PTPRD: variants seen among roughly 807,000 people sequenced by gnomAD.
PTPRD encodes the protein protein tyrosine phosphatase receptor type D.
A neutral mutation model predicts 214.5 loss-of-function variants in PTPRD; 34 were observed. The observed-to-expected ratio is 0.16, with a 90% confidence interval of 0.12 to 0.21. PTPRD has a LOEUF of 0.21. Ranked by LOEUF, PTPRD falls within the 10% of genes least tolerant of loss-of-function variation. The probability of loss-of-function intolerance (pLI) is 1.00; values close to 1 mark genes in which losing one functional copy is unlikely to be tolerated. For missense variants in PTPRD, 2,545 were observed against 2,398.7 expected (o/e 1.06, Z -1.27); for synonymous variants, 1,128 against 845.7 (o/e 1.33, Z -5.79).
chr9:9,000,325 ATC>A (rs769764661), intron 11 of PTPRD, among the ~76,000 whole-genome samples: 3 of 152,020 alleles, frequency 2.0e-5, no homozygotes, highest in Non-Finnish European at 4.4e-5. Flanking sequence ...TTAACATAAA[ATC>A]TCTCTTTTGC....
At chr9:10,455,912 A>C (rs76582844) in intron 2 of PTPRD, among the ~76,000 whole-genome samples, 7,221 of 151,878 alleles carry the variant, frequency 0.048, 241 homozygotes, top group South Asian at 0.13. Flanking sequence ...AATAAGATGT[A>C]ATGTAGTTAC....
At chr9:9,278,863 A>G (rs1418503833) in intron 9 of PTPRD, among the ~76,000 whole-genome samples, 1 of 151,360 alleles carries the variant, frequency 6.6e-6, no homozygotes, top group Non-Finnish European at 1.5e-5. Context: ...CTACACATAC[A>G]CAAACACACA....
chr9:10,004,392 A>G (rs1434880057), intron 4 of PTPRD, among the ~76,000 whole-genome samples: 5 of 152,120 alleles, frequency 3.3e-5, no homozygotes, highest in Non-Finnish European at 5.9e-5. Context: ...AATACATTTT[A>G]TATTTAAATA....
intron 8 of PTPRD, among the ~76,000 whole-genome samples, chr9:9,469,314 T>C (rs1177186303): frequency 6.6e-6 from 1 of 152,142 alleles, no homozygotes; most frequent in Non-Finnish European, 1.5e-5. Context: ...ATAGTTCTCA[T>C]TTAGAAATAA....
chr9:9,441,724 A>G (rs1021748953), intron 8 of PTPRD, among the ~76,000 whole-genome samples: 2 of 152,222 alleles, frequency 1.3e-5, no homozygotes, highest in African/African-American at 4.8e-5. Context: ...CTTTTCCAAA[A>G]TGAATGAATT....
chr9:10,072,224 C>T (rs1301821064), intron 3 of PTPRD, among the ~76,000 whole-genome samples: 3 of 151,896 alleles, frequency 2.0e-5, no homozygotes, highest in Non-Finnish European at 2.9e-5. Flanking sequence ...TGAAAATATG[C>T]TCAATATTTC....
intron 3 of PTPRD, among the ~76,000 whole-genome samples, chr9:10,190,386 G>GAAAAAAAAA (rs66511711): frequency 2.2e-4 from 11 of 50,150 alleles, no homozygotes; most frequent in East Asian, 5.2e-4. Context: ...TCTATCTCCA[G>GAAAAAAAAA]AAAAAAAAAA....
At chr9:10,333,315 T>C (rs1597345245) in intron 3 of PTPRD, among the ~76,000 whole-genome samples, 1 of 151,802 alleles carries the variant, frequency 6.6e-6, no homozygotes, top group Admixed American at 6.6e-5. Context: ...CCCTCGCGTT[T>C]TGTTTATAGC....
chr9:9,529,120 GA>G (rs1400786068), intron 8 of PTPRD, among the ~76,000 whole-genome samples: 1 of 151,640 alleles, frequency 6.6e-6, no homozygotes, highest in African/African-American at 2.4e-5. Flanking sequence ...CTTTGATAGA[GA>G]TGGGGTTTCA....
chr9:9,956,691 A>G (rs1587227709), intron 4 of PTPRD, among the ~76,000 whole-genome samples: 2 of 152,244 alleles, frequency 1.3e-5, no homozygotes, highest in African/African-American at 4.8e-5. Context: ...CCATACATGA[A>G]TGAGACAAGG....
At chr9:9,457,338 A>G (rs1441387996) in intron 8 of PTPRD, among the ~76,000 whole-genome samples, 1 of 152,064 alleles carries the variant, frequency 6.6e-6, no homozygotes, top group Non-Finnish European at 1.5e-5. Flanking sequence ...TCTAAGATCC[A>G]AAACCAGATT....
intron 9 of PTPRD, among the ~76,000 whole-genome samples, chr9:9,314,975 C>T (rs1961773688): frequency 6.6e-6 from 1 of 151,980 alleles, no homozygotes; most frequent in Non-Finnish European, 1.5e-5. Flanking sequence ...CCTTTCTGCT[C>T]ATTCCAGCTT....
At chr9:8,969,020 G>C (rs1304055621) in intron 11 of PTPRD, among the ~76,000 whole-genome samples, 3 of 151,918 alleles carry the variant, frequency 2.0e-5, no homozygotes, top group Non-Finnish European at 4.4e-5. Flanking sequence ...TAATTAAGAA[G>C]AAGATAGCAA....
At chr9:9,309,347 A>C (rs1048534177) in intron 9 of PTPRD, among the ~76,000 whole-genome samples, 1 of 152,148 alleles carries the variant, frequency 6.6e-6, no homozygotes. Flanking sequence ...AACAACAAAA[A>C]AAACAAAGAA....
intron 9 of PTPRD, among the ~76,000 whole-genome samples, chr9:9,309,606 G>C (rs1226415071): frequency 1.3e-5 from 2 of 152,112 alleles, no homozygotes; most frequent in African/African-American, 2.4e-5. Context: ...GCACATCAAA[G>C]AGAGACTCTA....
At chr9:9,807,729 TG>T (rs572072592) in intron 5 of PTPRD, among the ~76,000 whole-genome samples, 89 of 152,344 alleles carry the variant, frequency 5.8e-4, no homozygotes, top group Non-Finnish European at 1.1e-3. Flanking sequence ...AAAAATATAG[TG>T]ATTCTTGATC....
At chr9:9,515,437 C>T (rs2096812584) in intron 8 of PTPRD, among the ~76,000 whole-genome samples, 1 of 152,068 alleles carries the variant, frequency 6.6e-6, no homozygotes, top group South Asian at 2.1e-4. Context: ...TTTCCAGATT[C>T]ATTTCTATCC....
intron 9 of PTPRD, among the ~76,000 whole-genome samples, chr9:9,321,986 G>C (rs1391588354): frequency 6.6e-6 from 1 of 152,104 alleles, no homozygotes; most frequent in Admixed American, 6.6e-5. Context: ...AGGCACTCTG[G>C]TAAGTATTAC....
At chr9:8,967,960 G>A (rs1170702432) in intron 11 of PTPRD, among the ~76,000 whole-genome samples, 1 of 151,904 alleles carries the variant, frequency 6.6e-6, no homozygotes, top group African/African-American at 2.4e-5. Context: ...GTGTCCAAGT[G>A]TTCTCATTGT....
Sources: allele counts gnomAD v4.1 joint callset (sites outside exome capture counted in the v4.1 genomes callset), GRCh38; gene constraint gnomAD v4.1.1; transcripts MANE v1.5; gene names NCBI Gene and HGNC (gene_info 2026-07-23, HGNC 2026-07-21).